The following ITPR2 variants were observed in gnomAD, a reference collection of about 807,000 sequenced individuals.
ITPR2 encodes the protein inositol 1,4,5-trisphosphate receptor type 2, also known as inositol 1,4,5-trisphosphate-gated calcium channel ITPR2.
A neutral mutation model predicts 317.1 loss-of-function variants in ITPR2; 207 were observed. That is an observed-to-expected ratio of 0.65 (90% confidence interval 0.58 to 0.73). The LOEUF is 0.73. Among genes scored for constraint, ITPR2 ranks in the 30% least tolerant of loss-of-function variants. The pLI is 0.00. For missense variants in ITPR2, 2,613 were observed against 3,284.0 expected (o/e 0.80, Z 4.99); for synonymous variants, 1,156 against 1,149.1 (o/e 1.01, Z -0.12).
At chr12:26,826,772 A>C (rs1400476398) in intron 1 of ITPR2, among the ~76,000 whole-genome samples, 1 of 152,120 alleles carries the variant, frequency 6.6e-6, no homozygotes, top group African/African-American at 2.4e-5. Flanking sequence ...ACACATATAC[A>C]CACTTTTCAT....
intron 32 of ITPR2, among the ~76,000 whole-genome samples, chr12:26,586,245 G>A (rs994249477): frequency 2.6e-5 from 4 of 151,904 alleles, no homozygotes; most frequent in Non-Finnish European, 5.9e-5. Flanking sequence ...CCTGGGCTCA[G>A]GGGATCCTCT....
chr12:26,535,104 T>C (rs1944052253), intron 37 of ITPR2, among the ~76,000 whole-genome samples: 1 of 152,186 alleles, frequency 6.6e-6, no homozygotes, highest in South Asian at 2.1e-4. Context: ...ATTTGATTTT[T>C]ATGTAACATA....
At chr12:26,606,544 C>CCT (rs1555165626) in intron 26 of ITPR2, among the ~76,000 whole-genome samples, 11 of 143,440 alleles carry the variant, frequency 7.7e-5, no homozygotes, top group Admixed American at 2.1e-4. Context: ...TAGTTCCTCC[C>CCT]TTTTTTTTTT....
rs925269483 is a variant in ITPR2 at position 26,379,968 on chromosome 12, C to G, written c.7857+7466G>C. 2.6e-5 allele frequency among the ~76,000 whole-genome samples: 4 copies of G among 152,330 alleles called. 1 individual carries two copies. The highest frequency in any genetic ancestry group is 1.9e-4 in the East Asian group (1 of 5,184). On this transcript the variant is annotated intron_variant, in intron 55 of 56. Coordinates refer to ENST00000381340, the MANE Select transcript of ITPR2 (RefSeq NM_002223.4). ...AACTCTGTGGCCAATCACCCGAACA[C>G]TAGCAGATCTACAGTTTCTGATCAA...
intron 43 of ITPR2, among the ~76,000 whole-genome samples, chr12:26,479,977 T>C (rs16930819): frequency 0.05 from 7,675 of 152,284 alleles, 251 homozygotes; most frequent in Middle Eastern, 0.13. Flanking sequence ...CACGTAAACA[T>C]ATGTACTTTC....
intron 34 of ITPR2, among the ~76,000 whole-genome samples, chr12:26,565,503 T>C (rs1329416047): frequency 2.8e-5 from 4 of 143,334 alleles, no homozygotes; most frequent in African/African-American, 5.1e-5. Context: ...GATAGATAGA[T>C]AGATAGATAG....
At chr12:26,478,658 T>C (rs1942470832) in intron 43 of ITPR2, among the ~76,000 whole-genome samples, 1 of 152,182 alleles carries the variant, frequency 6.6e-6, no homozygotes, top group African/African-American at 2.4e-5. Context: ...ATTGAATTGA[T>C]AGTATAAGAG....
chr12:26,716,009 T>A, intron 6 of ITPR2, 135 bp downstream of exon 6: 2 of 712,964 alleles, frequency 2.8e-6, no homozygotes, highest in African/African-American at 1.8e-5. Flanking sequence ...ATCACAGCTA[T>A]ATGTACCTTA....
chr12:26,622,450 C>CCACCGAG, intron 24 of ITPR2, 45 bp from the exon 25 acceptor site: 1 of 1,419,768 alleles, frequency 7.0e-7, no homozygotes. Flanking sequence ...ATTTATATAA[C>CCACCGAG]ATCTACACTT....
chr12:26,479,447 T>A (rs1211790197), intron 43 of ITPR2, among the ~76,000 whole-genome samples: 1 of 152,146 alleles, frequency 6.6e-6, no homozygotes, highest in Admixed American at 6.5e-5. Flanking sequence ...TAAGTTTAAT[T>A]AATTACAAAT....
At chr12:26,656,610 G>A (rs985100478) in intron 18 of ITPR2, 62 bp from the exon 19 acceptor site, 1 of 1,526,968 alleles carries the variant, frequency 6.5e-7, no homozygotes, top group Middle Eastern at 1.7e-4. Context: ...AAACGTCATA[G>A]TACCAATCAG....
Position 26,487,169 on chromosome 12 carries a change from T to C in ITPR2, c.5453A>G (p.Gln1818Arg). 2 of 1,613,502 alleles carry C rather than the reference T, an allele frequency of 1.2e-6. No homozygotes were observed. The highest frequency in any genetic ancestry group is 1.7e-6 in the Non-Finnish European group (2 of 1,179,666). ...TGTCACTGTTGATCTTATTTCTTTC[T>C]GAGCAGCCTTCATTCGATCATAGAG... The part of the protein sequence containing the change: ...KVLYDRMKAA[Q>R]KEIRSTVTVN... The change falls in exon 40 of 57, where the codon CAG (glutamine) becomes CGG (arginine). Residue 1818 changes from glutamine (Q) to arginine (R), a missense_variant. Coordinates refer to ENST00000381340, the MANE Select transcript of ITPR2 (RefSeq NM_002223.4).
rs1388689879 is a variant in ITPR2 at position 26,337,451 on chromosome 12, G to A, written c.*1946C>T. The A allele has an allele frequency of 2.0e-5, 3 of 152,218 alleles. No individual in the cohort carries two copies. The highest frequency in any genetic ancestry group is 1.9e-4 in the East Asian group (1 of 5,182). The allele number at this position is 152,218 out of a possible 1,614,324, so 9.4% of individuals were successfully genotyped here. The stretch of plus-strand genomic sequence containing the variant: ...CTGCCTGATTAAAATATTTTAAAGT[G>A]TACTTTTTACCTGATACTGTTAATA... On this transcript the variant is annotated 3_prime_UTR_variant, in exon 57 of 57. Coordinates refer to ENST00000381340, the MANE Select transcript of ITPR2 (RefSeq NM_002223.4).
At position 26,621,111 on chromosome 12, in the gene ITPR2, CT is replaced by C; in HGVS notation, c.3462+11del. 6.2e-7 allele frequency: 1 copy of C among 1,608,716 alleles called. No individual in the cohort carries two copies. Among genetic ancestry groups the C allele is most frequent in the Non-Finnish European group, 8.5e-7 (1 of 1,176,966 alleles). On this transcript the variant is annotated intron_variant, in intron 26 of 56. Transcript: ENST00000381340. ...TCATTGGGAGTATTTCGAAATAGAT[CT>C]TGAAACGAACCTCAATTGGCTCTTC... is the stretch of plus-strand genomic sequence containing the variant.
At chr12:26,340,655 G>T (rs1938080785) in intron 55 of ITPR2, among the ~76,000 whole-genome samples, 1 of 152,204 alleles carries the variant, frequency 6.6e-6, no homozygotes, top group African/African-American at 2.4e-5. Flanking sequence ...GCAGATCCAA[G>T]TGTGTGTGGG....
intron 55 of ITPR2, among the ~76,000 whole-genome samples, chr12:26,371,832 G>A (rs1399790130): frequency 6.6e-6 from 1 of 152,024 alleles, no homozygotes; most frequent in Non-Finnish European, 1.5e-5. Context: ...TCAGTGTGAT[G>A]GTCACTGATT....
chr12:26,794,985 T>C (rs542519616), intron 1 of ITPR2, among the ~76,000 whole-genome samples: 15 of 152,398 alleles, frequency 9.8e-5, no homozygotes, highest in South Asian at 8.3e-4. Context: ...TATTTTTTAC[T>C]GAAATGCTAA....
chr12:26,639,919 C>T (rs1486588651), intron 21 of ITPR2, among the ~76,000 whole-genome samples: 1 of 151,964 alleles, frequency 6.6e-6, no homozygotes, highest in African/African-American at 2.4e-5. Context: ...TGAATAGTGC[C>T]ACAATAAACA....
intron 45 of ITPR2, among the ~76,000 whole-genome samples, chr12:26,468,024 A>G (rs1418037675): frequency 6.6e-6 from 1 of 152,196 alleles, no homozygotes; most frequent in Non-Finnish European, 1.5e-5. Context: ...TCCGACATAC[A>G]TGACACAAAG....
Sources: allele counts gnomAD v4.1 joint callset (sites outside exome capture counted in the v4.1 genomes callset), GRCh38; gene constraint gnomAD v4.1.1; transcripts MANE v1.5; gene names NCBI Gene and HGNC (gene_info 2026-07-23, HGNC 2026-07-21).